CCNY: variants seen among roughly 807,000 people sequenced by gnomAD.
CCNY encodes the protein cyclin Y, also known as cyclin-Y.
A neutral mutation model predicts 42.8 loss-of-function variants in CCNY; 19 were observed. That is an observed-to-expected ratio of 0.44 (90% confidence interval 0.31 to 0.65). The LOEUF is 0.65. CCNY is among the 30% of genes least tolerant of loss of function. The probability of loss-of-function intolerance (pLI) is 0.07; values close to 1 mark genes in which losing one functional copy is unlikely to be tolerated. For synonymous variants in CCNY, 165 were observed against 162.7 expected (o/e 1.01, Z -0.11); for missense variants, 370 against 437.3 (o/e 0.85, Z 1.37).
At chr10:35,538,411 A>G (rs1318928346) in intron 7 of CCNY, among the ~76,000 whole-genome samples, 2 of 152,156 alleles carry the variant, frequency 1.3e-5, no homozygotes, top group African/African-American at 2.4e-5. Context: ...TGACTGCACA[A>G]TTTCAGATTT....
chr10:35,448,320 G>A (rs1453808994), intron 1 of CCNY, among the ~76,000 whole-genome samples: 1 of 152,192 alleles, frequency 6.6e-6, no homozygotes, highest in Non-Finnish European at 1.5e-5. Context: ...TGGGGACATG[G>A]GTAGGGCCGG....
chr10:35,566,279 C>T, intron 9 of CCNY, 94 bp downstream of exon 9: 1 of 1,242,812 alleles, frequency 8.0e-7, no homozygotes, highest in Non-Finnish European at 1.1e-6. Context: ...TCATTTCCCC[C>T]ACTACATGAT....
At chr10:35,299,668 G>A (rs1835510480) in intron 3 of CCNY, among the ~76,000 whole-genome samples, 1 of 152,118 alleles carries the variant, frequency 6.6e-6, no homozygotes, top group Non-Finnish European at 1.5e-5. Flanking sequence ...ATTTCTTGTA[G>A]ACACCAGAGA....
At chr10:35,564,943 G>A (rs1038446903) in intron 8 of CCNY, among the ~76,000 whole-genome samples, 1 of 152,176 alleles carries the variant, frequency 6.6e-6, no homozygotes, top group African/African-American at 2.4e-5. Flanking sequence ...GCATAGTGTG[G>A]GCAAGGACAG....
chr10:35,492,219 A>T (rs1038855379), intron 2 of CCNY, among the ~76,000 whole-genome samples: 2 of 152,198 alleles, frequency 1.3e-5, no homozygotes, highest in African/African-American at 4.8e-5. Flanking sequence ...ACACCAGCAC[A>T]CACACAGAGC....
chr10:35,516,720 CTG>C, intron 4 of CCNY, 97 bp downstream of exon 4: 2 of 721,532 alleles, frequency 2.8e-6, no homozygotes, highest in Non-Finnish European at 4.3e-6. Context: ...GTTCCTTAAC[CTG>C]ACAGCTAAGC....
intron 1 of CCNY, among the ~76,000 whole-genome samples, chr10:35,418,258 A>G (rs2135258752): frequency 6.6e-6 from 1 of 152,288 alleles, no homozygotes. Context: ...AGCTTTTTCT[A>G]CACCAAATGT....
At chr10:35,520,309 A>G (rs546122377) in intron 4 of CCNY, among the ~76,000 whole-genome samples, 41 of 152,294 alleles carry the variant, frequency 2.7e-4, no homozygotes, top group African/African-American at 9.6e-4. Context: ...TGAAATCCAC[A>G]TGCCATCCCA....
chr10:35,303,448 A>G (rs535099443), intron 3 of CCNY, among the ~76,000 whole-genome samples: 88 of 150,984 alleles, frequency 5.8e-4, no homozygotes, highest in Admixed American at 2.2e-3. Context: ...CCAGAGTGCT[A>G]GGATTACAGG....
intron 3 of CCNY, among the ~76,000 whole-genome samples, chr10:35,315,966 T>A (rs1835754806): frequency 6.6e-6 from 1 of 152,216 alleles, no homozygotes; most frequent in Non-Finnish European, 1.5e-5. Context: ...CTACCTTCTG[T>A]CTCTATAATA....
intron 7 of CCNY, among the ~76,000 whole-genome samples, chr10:35,550,695 C>A (rs1444976334): frequency 6.6e-6 from 1 of 152,170 alleles, no homozygotes; most frequent in African/African-American, 2.4e-5. Flanking sequence ...TAGGCACTTG[C>A]AAACACAGCT....
At chr10:35,340,492 G>T (rs1202445858) in intron 1 of CCNY, among the ~76,000 whole-genome samples, 3 of 151,650 alleles carry the variant, frequency 2.0e-5, no homozygotes, top group Non-Finnish European at 4.4e-5. Flanking sequence ...AATGGTTGAT[G>T]GCAACTTCAT....
chr10:35,431,517 GAA>G (rs1473801361), intron 1 of CCNY, among the ~76,000 whole-genome samples: 7 of 148,504 alleles, frequency 4.7e-5, no homozygotes, highest in African/African-American at 1.5e-4. Flanking sequence ...GAGAGAGAGA[GAA>G]ACATTTCTTG....
At chr10:35,262,208 G>A (rs1262297152) in intron 3 of CCNY, among the ~76,000 whole-genome samples, 1 of 124,240 alleles carries the variant, frequency 8.0e-6, no homozygotes, top group African/African-American at 3.2e-5. Context: ...GCTGCAGTGA[G>A]CCAAGATGGC....
intron 1 of CCNY, among the ~76,000 whole-genome samples, chr10:35,426,117 A>G (rs906909422): frequency 3.4e-3 from 364 of 108,218 alleles, no homozygotes; most frequent in African/African-American, 0.011. Flanking sequence ...ACGCGCACAC[A>G]CACACACACA....
At chr10:35,402,803 G>A (rs183696420) in intron 1 of CCNY, among the ~76,000 whole-genome samples, 3 of 152,290 alleles carry the variant, frequency 2.0e-5, no homozygotes, top group African/African-American at 7.2e-5. Flanking sequence ...AGAGACTTAA[G>A]GGTGGCAATT....
Position 35,336,863 on chromosome 10 carries a change from C to A in CCNY, c.-191C>A. ...CGCTCGTCGCCGCCGCCGCCGCCGC[C>A]GCCCATGGCGAGGCCCCGCCGCCGC... On this transcript the variant is annotated 5_prime_UTR_variant, in exon 1 of 10. Transcript: ENST00000374704. The A allele has an allele frequency of 6.3e-6, 1 of 159,488 alleles. No homozygotes were observed. Among genetic ancestry groups the A allele is most frequent in the South Asian group, 1.7e-4 (1 of 5,792 alleles). The allele number at this position is 159,488 out of a possible 1,614,324, so 9.9% of individuals were successfully genotyped here. A position where few individuals can be genotyped will look rare whatever the true frequency, so the allele number is the denominator to read the frequency against.
intron 1 of CCNY, among the ~76,000 whole-genome samples, chr10:35,374,903 T>C (rs1837016586): frequency 1.3e-5 from 2 of 152,186 alleles, no homozygotes; most frequent in Non-Finnish European, 2.9e-5. Context: ...TAAGTGATAC[T>C]ATGCAGCTTC....
At chr10:35,292,486 G>A (rs150806768) in intron 3 of CCNY, among the ~76,000 whole-genome samples, 15,355 of 151,942 alleles carry the variant, frequency 0.1, 1,113 homozygotes, top group East Asian at 0.36. Context: ...TCAGCCTCCC[G>A]AGTAGCTGGG....
Sources: gnomAD v4.1 joint callset for allele counts (sites outside exome capture counted in the v4.1 genomes callset) on GRCh38, gnomAD v4.1.1 for gene constraint, MANE v1.5 for transcripts, NCBI Gene and HGNC (gene_info 2026-07-23, HGNC 2026-07-21) for gene names.